Variants in NEBL observed in about 807,000 individuals in gnomAD.
The protein encoded by NEBL is nebulette, also known as LIM and SH3 protein 2.
Under a neutral mutation model 140.2 loss-of-function variants are expected in NEBL, and 122 were observed. The ratio of observed to expected loss-of-function variants is 0.87; its 90% CI spans 0.75 to 1.01. The LOEUF is 1.01. NEBL is among the 50% of genes least tolerant of loss of function. The pLI is 0.00. For synonymous variants in NEBL, 436 were observed against 398.9 expected (o/e 1.09, Z -1.11); for missense variants, 1,365 against 1,231.3 (o/e 1.11, Z -1.62).
At chr10:21,127,498 C>T (rs1181230134) in intron 2 of NEBL, among the ~76,000 whole-genome samples, 9 of 151,710 alleles carry the variant, frequency 5.9e-5, no homozygotes, top group African/African-American at 2.2e-4. Flanking sequence ...CAGACAGATA[C>T]TATGTCTCTC....
At chr10:20,811,126 A>G (rs10491055) in intron 24 of NEBL, among the ~76,000 whole-genome samples, 13,029 of 152,288 alleles carry the variant, frequency 0.086, 633 homozygotes, top group African/African-American at 0.12. Flanking sequence ...GGAAATTTCA[A>G]TGGAAAACAG....
chr10:20,901,052 G>A (rs1372726053), upstream of NEBL, among the ~76,000 whole-genome samples: 4 of 151,928 alleles, frequency 2.6e-5, no homozygotes, highest in Non-Finnish European at 5.9e-5. Context: ...CTTAAAAATA[G>A]TGGAGCCCCT....
intron 3 of NEBL, among the ~76,000 whole-genome samples, chr10:21,017,664 G>T (rs1838608824): frequency 6.6e-6 from 1 of 152,112 alleles, no homozygotes; most frequent in African/African-American, 2.4e-5. Flanking sequence ...ATGCACTGAA[G>T]GCATCTATAA....
intron 2 of NEBL, among the ~76,000 whole-genome samples, chr10:21,074,611 G>A (rs1270906296): frequency 6.6e-6 from 1 of 151,082 alleles, no homozygotes; most frequent in Admixed American, 6.6e-5. Context: ...CCTAGTAGCT[G>A]GGACTGCAGG....
intron 1 of NEBL, among the ~76,000 whole-genome samples, chr10:21,279,569 C>T (rs1264506571): frequency 6.6e-6 from 1 of 151,864 alleles, no homozygotes; most frequent in Non-Finnish European, 1.5e-5. Context: ...GAGTTCGAGA[C>T]CAGCCTGGCC....
intron 3 of NEBL, among the ~76,000 whole-genome samples, chr10:21,215,643 G>T (rs946121489): frequency 6.6e-6 from 1 of 151,812 alleles, no homozygotes; most frequent in Admixed American, 6.6e-5. Flanking sequence ...CCACAGACTA[G>T]TTTTTTTTGT....
chr10:20,796,711 AT>A (rs1233568008), intron 26 of NEBL, among the ~76,000 whole-genome samples: 2 of 152,170 alleles, frequency 1.3e-5, no homozygotes, highest in Non-Finnish European at 2.9e-5. Flanking sequence ...TGCCACTTCC[AT>A]TTTTTTCCCT....
At chr10:21,107,467 T>G (rs1418313102) in intron 2 of NEBL, among the ~76,000 whole-genome samples, 7 of 152,154 alleles carry the variant, frequency 4.6e-5, no homozygotes, top group Admixed American at 4.6e-4. Flanking sequence ...TGGTGGATTA[T>G]GTTTATTGAT....
At chr10:21,094,050 G>A (rs1004400031) in intron 2 of NEBL, among the ~76,000 whole-genome samples, 2 of 152,110 alleles carry the variant, frequency 1.3e-5, no homozygotes, top group African/African-American at 4.8e-5. Flanking sequence ...GTTCTTATGG[G>A]TCCTTAAGAG....
intron 4 of NEBL, among the ~76,000 whole-genome samples, chr10:20,913,194 T>C (rs1174860832): frequency 6.6e-6 from 1 of 152,086 alleles, no homozygotes; most frequent in Non-Finnish European, 1.5e-5. Flanking sequence ...TGACTCAGCT[T>C]AGAGAAGGGA....
intron 2 of NEBL, among the ~76,000 whole-genome samples, chr10:21,167,497 G>A (rs1053168343): frequency 2.0e-5 from 3 of 152,178 alleles, no homozygotes; most frequent in African/African-American, 7.2e-5. Flanking sequence ...GTTCCTTGGT[G>A]GCACCCCAGA....
At chr10:20,954,025 GAAA>G (rs200642113) in intron 4 of NEBL, among the ~76,000 whole-genome samples, 11 of 125,720 alleles carry the variant, frequency 8.7e-5, no homozygotes, top group African/African-American at 3.1e-4. Flanking sequence ...TCTTCTTAAG[GAAA>G]AAAAAAAAAA....
rs566256297 is a variant in NEBL, at chr10:20,859,864, T to C, written c.685-38A>G. 1.5e-5 allele frequency: 15 copies of C among 987,954 alleles called. No homozygotes were observed. In the African/African-American group the frequency reaches 1.8e-4, roughly 12 times the overall value. 61.2% of individuals were successfully genotyped at this position (987,954 alleles called of 1,614,324 possible). ...AGAAATAGTACATGTAACTTTACAT[T>C]TAAAAGTAACACATATGATTTTCAC... On this transcript the variant is annotated intron_variant, in intron 7 of 27. Coordinates refer to ENST00000377122, the MANE Select transcript of NEBL (RefSeq NM_006393.3).
At chr10:20,800,144 G>A (rs1490508479) in intron 26 of NEBL, among the ~76,000 whole-genome samples, 1 of 118,262 alleles carries the variant, frequency 8.5e-6, no homozygotes, top group African/African-American at 3.4e-5. Flanking sequence ...CCACCCCATC[G>A]TAACCATTGT....
At chr10:20,970,743 G>A (rs1206232214) in intron 3 of NEBL, among the ~76,000 whole-genome samples, 3 of 152,164 alleles carry the variant, frequency 2.0e-5, no homozygotes, top group East Asian at 1.9e-4. Context: ...AGGTATGCAC[G>A]TTAAGGTCCA....
chr10:21,034,474 C>T (rs980281182), intron 2 of NEBL, among the ~76,000 whole-genome samples: 2 of 152,164 alleles, frequency 1.3e-5, no homozygotes, highest in Non-Finnish European at 2.9e-5. Context: ...GTAACGCAGG[C>T]ACCTGTTGCC....
intron 2 of NEBL, among the ~76,000 whole-genome samples, chr10:21,168,591 G>C (rs2132173079): frequency 6.6e-6 from 1 of 152,182 alleles, no homozygotes; most frequent in Middle Eastern, 3.4e-3. Flanking sequence ...AAATTAGACA[G>C]GATATAAGAT....
chr10:21,259,090 CT>C (rs1433432292), intron 1 of NEBL, among the ~76,000 whole-genome samples: 1 of 148,150 alleles, frequency 6.7e-6, no homozygotes, highest in Non-Finnish European at 1.5e-5. Context: ...TTTTTAATAG[CT>C]TTTTTGTCTT....
intron 2 of NEBL, among the ~76,000 whole-genome samples, chr10:21,084,368 T>C (rs1175986315): frequency 6.6e-6 from 1 of 152,198 alleles, no homozygotes; most frequent in Admixed American, 6.5e-5. Context: ...AGTTTGTTTC[T>C]CTCTCGCTGC....
Sources: allele counts gnomAD v4.1 joint callset (sites outside exome capture counted in the v4.1 genomes callset), GRCh38; gene constraint gnomAD v4.1.1; transcripts MANE v1.5; gene names NCBI Gene and HGNC (gene_info 2026-07-23, HGNC 2026-07-21).